The following PCM1 variants were observed in gnomAD, a reference collection of about 807,000 sequenced individuals.
PCM1 encodes pericentriolar material 1 protein.
A neutral mutation model predicts 241.9 loss-of-function variants in PCM1; 157 were observed. The ratio of observed to expected loss-of-function variants is 0.65; its 90% CI spans 0.57 to 0.74. The LOEUF is 0.74. Among genes scored for constraint, PCM1 ranks in the 30% least tolerant of loss-of-function variants. The probability of loss-of-function intolerance (pLI) is 0.00; values close to 1 mark genes in which losing one functional copy is unlikely to be tolerated. For synonymous variants in PCM1, 1,085 were observed against 784.9 expected (o/e 1.38, Z -6.39); for missense variants, 3,478 against 2,360.1 (o/e 1.47, Z -9.81).
chr8:17,950,763 C>G (rs1000359011), intron 8 of PCM1, 39 bp downstream of exon 8: 5 of 1,088,570 alleles, frequency 4.6e-6, no homozygotes, highest in Non-Finnish European at 5.5e-6. Flanking sequence ...TTTAAAAAAT[C>G]ACATTAATTA....
At chr8:17,949,095 T>C (rs1271641579) in intron 7 of PCM1, among the ~76,000 whole-genome samples, 1 of 152,196 alleles carries the variant, frequency 6.6e-6, no homozygotes, top group Non-Finnish European at 1.5e-5. Flanking sequence ...TTTTAAAAAA[T>C]ACTATTATGA....
At position 18,028,381 on chromosome 8, in the gene PCM1, T is replaced by TA. The variant is rs1241092580; in HGVS notation, c.*727dup. 6 of 191,836 alleles carry TA rather than the reference T, an allele frequency of 3.1e-5. No individual in the cohort carries two copies. Among genetic ancestry groups the TA allele is most frequent in the African/African-American group, 4.7e-5 (2 of 42,942 alleles). The allele number at this position is 191,836 out of a possible 1,614,324, so 11.9% of individuals were successfully genotyped here. A position where few individuals can be genotyped will look rare whatever the true frequency, so the allele number is the denominator to read the frequency against. On this transcript the variant is annotated 3_prime_UTR_variant, in exon 39 of 39. Transcript: ENST00000325083. ...TATCTACATCGCCTCAGACTAAAAG[T>TA]AAAAAAAATAAGCTTTATATAATTA... is the stretch of plus-strand genomic sequence containing the variant.
rs777982356 is a variant in PCM1 at position 17,962,111 on chromosome 8, A to T, written c.2400A>T (p.Gln800His). ...PAVTSTPTVN[Q>H]HETSTSKSVF... Reference sequence around the variant, plus strand: ...TTACTTCAACCCCAACTGTTAATCAACACGAGACCAGTACAAGCAAATCTG... The same window carrying T: ...TTACTTCAACCCCAACTGTTAATCATCACGAGACCAGTACAAGCAAATCTG... The change falls in exon 16 of 39, where the codon CAA becomes CAT. Residue 800 changes from glutamine to histidine, a missense_variant. Physicochemically the swap from Gln to His is conservative, Grantham distance 24. Transcript: ENST00000325083. 5 of 1,611,230 alleles carry T rather than the reference A, an allele frequency of 3.1e-6. No individual in the cohort carries two copies. The highest frequency in any genetic ancestry group is 4.2e-6 in the Non-Finnish European group (5 of 1,178,286).
At position 17,940,565 on chromosome 8, in the gene PCM1, C is replaced by A. The variant is rs568031178; in HGVS notation, c.783+704C>A. On this transcript the variant is annotated intron_variant, in intron 6 of 38. Coordinates refer to ENST00000325083, the MANE Select transcript of PCM1 (RefSeq NM_006197.4). The stretch of plus-strand genomic sequence containing the variant: ...AACCAAGTTCATTTGTCACTGAGGA[C>A]ACGTTAAGGATATTAGAATTTTTCA... 2.0e-5 allele frequency among the ~76,000 whole-genome samples: 3 copies of A among 152,246 alleles called. No homozygotes were observed. The South Asian group carries it at 6.2e-4, about 32-fold the overall frequency.
rs905383626 is a variant in PCM1, at chr8:18,028,327, T to A, written c.*665T>A. On this transcript the variant is annotated 3_prime_UTR_variant, in exon 39 of 39. Transcript: ENST00000325083. The stretch of plus-strand genomic sequence containing the variant: ...AGAACTTACATCATTATCATCTGTT[T>A]GTTAGGATTTGAAATTCTGGAAAAT... 10 of 189,914 alleles carry A rather than the reference T, an allele frequency of 5.3e-5. No individual in the cohort carries two copies. The highest frequency in any genetic ancestry group is 2.3e-5 in the African/African-American group (1 of 42,942). The allele number at this position is 189,914 out of a possible 1,614,324, so 11.8% of individuals were successfully genotyped here.
At chr8:18,005,393 T>C (rs2090981368) in intron 29 of PCM1, among the ~76,000 whole-genome samples, 1 of 149,642 alleles carries the variant, frequency 6.7e-6, no homozygotes, top group African/African-American at 2.5e-5. Context: ...TCTTGACACA[T>C]ACATTATTTT....
intron 20 of PCM1, 74 bp from the exon 21 acceptor site, chr8:17,966,906 G>A: frequency 9.0e-6 from 12 of 1,329,520 alleles, no homozygotes; most frequent in Non-Finnish European, 1.2e-5. Context: ...TTTTTTACAT[G>A]TATTCTTCCT....
chr8:17,988,218 T>A (rs1232608585), intron 26 of PCM1, among the ~76,000 whole-genome samples: 1 of 151,856 alleles, frequency 6.6e-6, no homozygotes, highest in African/African-American at 2.4e-5. Context: ...AAAAAATGGT[T>A]TCCCTATTCC....
At chr8:18,026,741 T>C (rs1054640328) in intron 38 of PCM1, among the ~76,000 whole-genome samples, 2 of 152,102 alleles carry the variant, frequency 1.3e-5, no homozygotes, top group African/African-American at 4.8e-5. Flanking sequence ...TGTTCTATTT[T>C]TTACTTTCAA....
chr8:18,003,665 T>C (rs994576291), intron 29 of PCM1, among the ~76,000 whole-genome samples: 1 of 152,148 alleles, frequency 6.6e-6, no homozygotes, highest in Non-Finnish European at 1.5e-5. Context: ...CAAGAAGCAC[T>C]TAAGATACTG....
chr8:18,020,147 C>G (rs980203390), intron 36 of PCM1, among the ~76,000 whole-genome samples: 1 of 152,160 alleles, frequency 6.6e-6, no homozygotes, highest in Non-Finnish European at 1.5e-5. Flanking sequence ...TTATTTAAAA[C>G]CTTTCACTTT....
chr8:17,929,373 T>C (rs1306737901), intron 2 of PCM1, among the ~76,000 whole-genome samples: 1 of 152,192 alleles, frequency 6.6e-6, no homozygotes, highest in African/African-American at 2.4e-5. Flanking sequence ...TCTGGTCTTC[T>C]CTTACTCTTT....
chr8:18,027,571 G>T, intron 38 of PCM1, 66 bp from the exon 39 acceptor site: 2 of 1,138,050 alleles, frequency 1.8e-6, no homozygotes, highest in Non-Finnish European at 2.5e-6. Context: ...TTTAATGACA[G>T]AGAACAATGT....
Position 17,972,425 on chromosome 8 carries a change from A to C in PCM1, c.3681A>C (p.Gly1227=). The C allele has an allele frequency of 6.2e-7, 1 of 1,612,760 alleles. No homozygotes were observed. Among genetic ancestry groups the C allele is most frequent in the Non-Finnish European group, 8.5e-7 (1 of 1,179,198 alleles). The change falls in exon 23 of 39, where the codon GGA becomes GGC. Residue 1227 remains glycine, a synonymous_variant. Coordinates refer to ENST00000325083, the MANE Select transcript of PCM1 (RefSeq NM_006197.4). ...GEVEKPFIKT[G]FSVSVEKSTS... The stretch of plus-strand genomic sequence containing the variant: ...TAGAGAAACCATTTATCAAGACTGG[A>C]TTTTCAGTGTCTGTAGAAAAATCTA...
chr8:17,939,757 G>A lies in PCM1; in HGVS notation c.679G>A (p.Val227Ile). 1 of 1,556,898 alleles carries A rather than the reference G, an allele frequency of 6.4e-7. No homozygotes were observed. Among genetic ancestry groups the A allele is most frequent in the Non-Finnish European group, 8.7e-7 (1 of 1,146,348 alleles). Residue 227 changes from valine (V) to isoleucine (I), a missense_variant, in exon 6 of 39, where the codon GTA (valine) becomes ATA (isoleucine). Physicochemically the swap from Val to Ile is conservative, Grantham distance 29. Coordinates refer to ENST00000325083, the MANE Select transcript of PCM1 (RefSeq NM_006197.4). ...TKASSMREDLVEKNERSANVE... is the reference protein window; with the variant it reads ...TKASSMREDLIEKNERSANVE... ...AGCTAGTTCCATGCGGGAAGATCTTGTAGAGAAAAATGAGAGATCTGCTAA... is the reference window on the plus strand; with the variant it reads ...AGCTAGTTCCATGCGGGAAGATCTTATAGAGAAAAATGAGAGATCTGCTAA...
chr8:17,979,869 C>T (rs1348538971), intron 23 of PCM1, among the ~76,000 whole-genome samples: 7 of 152,022 alleles, frequency 4.6e-5, no homozygotes, highest in African/African-American at 1.7e-4. Flanking sequence ...GTGGGACTTG[C>T]CTTAGCAGAT....
At chr8:17,942,206 G>A (rs368263447) in intron 6 of PCM1, among the ~76,000 whole-genome samples, 19 of 152,222 alleles carry the variant, frequency 1.2e-4, no homozygotes, top group Admixed American at 3.9e-4. Flanking sequence ...GGGGCCAGGC[G>A]TGGTAATTCT....
intron 1 of PCM1, among the ~76,000 whole-genome samples, chr8:17,923,436 C>T (rs1043010582): frequency 6.6e-6 from 1 of 152,044 alleles, no homozygotes; most frequent in African/African-American, 2.4e-5. Flanking sequence ...GCAGGACTCC[C>T]TTCTTGCCTC....
At chr8:17,939,038 C>T (rs371052211) in intron 5 of PCM1, 29 bp downstream of exon 5, 672 of 1,607,674 alleles carry the variant, frequency 4.2e-4, no homozygotes, top group Middle Eastern at 4.9e-4. Flanking sequence ...TTTGCTCATT[C>T]TTTACACAAA....
Sources: gnomAD v4.1 joint callset for allele counts (sites outside exome capture counted in the v4.1 genomes callset) on GRCh38, gnomAD v4.1.1 for gene constraint, MANE v1.5 for transcripts, NCBI Gene and HGNC (gene_info 2026-07-23, HGNC 2026-07-21) for gene names.